Variants in SEMA3A observed in about 807,000 individuals in gnomAD.
SEMA3A encodes the protein semaphorin 3A, also known as semaphorin-3A.
SEMA3A carries 29 observed loss-of-function variants against 97.9 expected under a neutral mutation model. The ratio of observed to expected loss-of-function variants is 0.30; its 90% CI spans 0.22 to 0.40. The LOEUF is 0.40. Ranked by LOEUF, SEMA3A falls within the 10% of genes least tolerant of loss-of-function variation. SEMA3A has a pLI of 1.00. For missense variants in SEMA3A, 763 were observed against 951.3 expected (o/e 0.80, Z 2.60); for synonymous variants, 321 against 323.7 (o/e 0.99, Z 0.09).
At chr7:84,471,378 T>G (rs1371001564) in intron 1 of SEMA3A, among the ~76,000 whole-genome samples, 1 of 152,156 alleles carries the variant, frequency 6.6e-6, no homozygotes, top group Non-Finnish European at 1.5e-5. Context: ...CACATAAAGC[T>G]TTAAAAGGAC....
chr7:84,078,095 G>A (rs1401279415), intron 4 of SEMA3A, among the ~76,000 whole-genome samples: 2 of 152,040 alleles, frequency 1.3e-5, no homozygotes, highest in East Asian at 1.9e-4. Context: ...TTTAACATAT[G>A]GAATTTGGGA....
At chr7:84,275,161 C>T (rs934432695) in intron 3 of SEMA3A, among the ~76,000 whole-genome samples, 6 of 151,992 alleles carry the variant, frequency 3.9e-5, no homozygotes, top group Admixed American at 6.6e-5. Flanking sequence ...TATTTTATAG[C>T]CTCCATTTTG....
intron 11 of SEMA3A, among the ~76,000 whole-genome samples, chr7:84,004,184 C>G (rs530163139): frequency 1.6e-3 from 244 of 151,984 alleles, no homozygotes; most frequent in Admixed American, 2.6e-3. Context: ...AAATTTATTA[C>G]CTTGGAATCT....
chr7:84,370,890 AG>A lies in SEMA3A; in HGVS notation c.-169+933del. Among the ~76,000 whole-genome samples, 4 of 151,618 alleles carry A rather than the reference AG, an allele frequency of 2.6e-5. No individual in the cohort carries two copies. The East Asian group carries it at 7.8e-4, about 29-fold the overall frequency. On this transcript the variant is annotated intron_variant, in intron 2 of 3. Transcript: ENST00000424555. The stretch of plus-strand genomic sequence containing the variant: ...CCCTAAGTTTTTCCATGCTAACAAC[AG>A]CTATGGATGAAACTACTAATTCATT...
intron 1 of SEMA3A, among the ~76,000 whole-genome samples, chr7:84,443,263 A>T (rs1438266443): frequency 6.6e-6 from 1 of 152,204 alleles, no homozygotes; most frequent in Non-Finnish European, 1.5e-5. Flanking sequence ...AAGATAGATC[A>T]CACAAAGTAC....
chr7:84,295,648 T>C (rs1800850914), intron 3 of SEMA3A, among the ~76,000 whole-genome samples: 2 of 152,072 alleles, frequency 1.3e-5, no homozygotes, highest in South Asian at 4.1e-4. Context: ...AATTTTGTTG[T>C]CTTTGGTTTA....
At chr7:84,165,253 T>C (rs1797164286) in intron 1 of SEMA3A, among the ~76,000 whole-genome samples, 1 of 152,102 alleles carries the variant, frequency 6.6e-6, no homozygotes, top group Non-Finnish European at 1.5e-5. Context: ...TGACAAGAAC[T>C]CATCAACATC....
chr7:84,247,813 A>G (rs1439189095), intron 3 of SEMA3A, among the ~76,000 whole-genome samples: 1 of 152,184 alleles, frequency 6.6e-6, no homozygotes, highest in East Asian at 1.9e-4. Context: ...CCCTGAAAGT[A>G]TGAGTCTTAG....
At chr7:84,034,371 A>C (rs1193849250) in intron 6 of SEMA3A, among the ~76,000 whole-genome samples, 1 of 152,222 alleles carries the variant, frequency 6.6e-6, no homozygotes, top group African/African-American at 2.4e-5. Context: ...AATTGCAGAA[A>C]TATGCAAATT....
chr7:84,051,268 G>A (rs1305240074), intron 5 of SEMA3A, among the ~76,000 whole-genome samples: 1 of 151,988 alleles, frequency 6.6e-6, no homozygotes, highest in Admixed American at 6.6e-5. Flanking sequence ...TAGCTTGATG[G>A]GGATGGCATT....
In SEMA3A at chr7:84,037,331, T is replaced by C. The variant is rs1163847997; in HGVS notation, c.667+8993A>G. 2.0e-5 allele frequency among the ~76,000 whole-genome samples: 3 copies of C among 151,954 alleles called. 1 individual carries two copies. Among genetic ancestry groups the C allele is most frequent in the Middle Eastern group, 6.4e-3 (2 of 314 alleles). On this transcript the variant is annotated intron_variant, in intron 6 of 16. Coordinates refer to ENST00000265362, the MANE Select transcript of SEMA3A (RefSeq NM_006080.3). ...CCTGGCATCTTTTGTTTATTTGTTGTTGTTGTTGTTGTTTGAGACACGGTC... is the reference window on the plus strand; with the variant it reads ...CCTGGCATCTTTTGTTTATTTGTTGCTGTTGTTGTTGTTTGAGACACGGTC...
intron 4 of SEMA3A, among the ~76,000 whole-genome samples, chr7:84,101,335 A>G (rs1317162118): frequency 1.3e-5 from 2 of 152,136 alleles, no homozygotes; most frequent in Non-Finnish European, 2.9e-5. Flanking sequence ...CCTCCTTTTC[A>G]CTATTCCAGA....
chr7:84,205,240 A>T (rs1798461120), intron 3 of SEMA3A, among the ~76,000 whole-genome samples: 1 of 152,226 alleles, frequency 6.6e-6, no homozygotes, highest in South Asian at 2.1e-4. Flanking sequence ...TCATAGGTCA[A>T]TAGCACTCTT....
intron 4 of SEMA3A, among the ~76,000 whole-genome samples, chr7:84,067,041 C>T (rs1240776931): frequency 6.6e-6 from 1 of 152,112 alleles, no homozygotes; most frequent in Admixed American, 6.6e-5. Flanking sequence ...GCTACAGTAA[C>T]CAAAACAGCA....
intron 4 of SEMA3A, among the ~76,000 whole-genome samples, chr7:84,067,366 G>C (rs1288454003): frequency 1.3e-5 from 2 of 152,066 alleles, no homozygotes; most frequent in Non-Finnish European, 2.9e-5. Context: ...GCATGGGCAA[G>C]GACTTCATGT....
intron 4 of SEMA3A, among the ~76,000 whole-genome samples, chr7:84,081,016 A>C (rs1336447843): frequency 1.6e-5 from 2 of 124,982 alleles, no homozygotes; most frequent in Non-Finnish European, 3.8e-5. Context: ...ATAGATTCCA[A>C]CATAATTTGT....
At chr7:84,064,977 C>T (rs1416636130) in intron 4 of SEMA3A, among the ~76,000 whole-genome samples, 1 of 152,208 alleles carries the variant, frequency 6.6e-6, no homozygotes, top group African/African-American at 2.4e-5. Context: ...ATTTTTTCGG[C>T]ACCACACCAC....
chr7:84,340,264 A>G (rs61310398), intron 2 of SEMA3A, among the ~76,000 whole-genome samples: 93 of 152,276 alleles, frequency 6.1e-4, no homozygotes, highest in African/African-American at 2.2e-3. Context: ...ATTAGAATAG[A>G]TTAATAATTC....
chr7:84,124,435 A>T (rs1213431848), intron 3 of SEMA3A, among the ~76,000 whole-genome samples: 1 of 152,152 alleles, frequency 6.6e-6, no homozygotes, highest in Non-Finnish European at 1.5e-5. Flanking sequence ...TGGAGCCCTG[A>T]TGGCTGCCAC....
Sources: allele counts gnomAD v4.1 joint callset (sites outside exome capture counted in the v4.1 genomes callset), GRCh38; gene constraint gnomAD v4.1.1; transcripts MANE v1.5; gene names NCBI Gene and HGNC (gene_info 2026-07-23, HGNC 2026-07-21).